LPA: variants seen among roughly 807,000 people sequenced by gnomAD.
LPA encodes apolipoprotein(a).
In LPA, 199 loss-of-function variants were observed where a neutral mutation model predicts 197.9. That is an observed-to-expected ratio of 1.01 (90% CI 0.90 to 1.13). The LOEUF (loss-of-function observed/expected upper bound fraction) is 1.13, where lower values mean the gene tolerates loss of function less well. Among genes scored for constraint, LPA ranks in the 50% most tolerant of loss-of-function variants. The pLI, the probability that LPA is intolerant of heterozygous loss-of-function variation, is 0.00. For synonymous variants in LPA, 715 were observed against 639.5 expected, an observed-to-expected ratio of 1.12 and a Z score of -1.78; for missense variants, 1,853 against 1,785.8, an observed-to-expected ratio of 1.04 and a Z score of -0.68.
Position 160,577,362 on chromosome 6 carries a change from A to G in LPA, c.4472-67T>C, listed in dbSNP as rs1778704833. ...AGCAGAGAAACATGGGAGACAATTT[A>G]TGTCACATACTGGACAGTAGCCTCT... On this transcript the variant is annotated intron_variant, in intron 27 of 38. Coordinates refer to ENST00000316300, the MANE Select transcript of LPA (RefSeq NM_005577.4). The G allele has an allele frequency of 6.2e-5, 90 of 1,459,120 alleles. 1 individual carries two copies. In the South Asian group the frequency reaches 1.0e-3, roughly 17 times the overall value. The allele number at this position is 1,459,120 out of a possible 1,614,324, so 90.4% of individuals were successfully genotyped here. A position where few individuals can be genotyped will look rare whatever the true frequency, so the allele number is the denominator to read the frequency against.
At chr6:160,660,430 C>G (rs1043982385) in intron 1 of LPA, among the ~76,000 whole-genome samples, 2 of 152,184 alleles carry the variant, frequency 1.3e-5, no homozygotes, top group Non-Finnish European at 2.9e-5. Context: ...CTGCTCATAT[C>G]TAGCTATCTG....
At position 160,589,725 on chromosome 6, in the gene LPA, G is replaced by A. The variant is rs201314966; in HGVS notation, c.3788-13C>T. The A allele has an allele frequency of 1.9e-5, 31 of 1,613,596 alleles. No homozygotes were observed. The highest frequency in any genetic ancestry group is 2.4e-5 in the Non-Finnish European group (28 of 1,179,732). ...TGCTCCGTTGGTGCTGAAATTCAAAGAGGAGAAAACAAACTGAGTAATTTC... is the reference window on the plus strand; with the variant it reads ...TGCTCCGTTGGTGCTGAAATTCAAAAAGGAGAAAACAAACTGAGTAATTTC... On this transcript the variant is annotated splice_polypyrimidine_tract_variant and intron_variant, in intron 23 of 38. Coordinates refer to ENST00000316300, the MANE Select transcript of LPA (RefSeq NM_005577.4).
chr6:160,594,251 G>C (rs1322829393), intron 21 of LPA, 134 bp from the exon 22 acceptor site: 1 of 1,020,654 alleles, frequency 9.8e-7, no homozygotes, highest in African/African-American at 1.6e-5. Context: ...GCAGGCAGAT[G>C]GACATACCAA....
rs1477499439 is a variant in LPA, at chr6:160,606,504, G to C, written c.2758C>G (p.Pro920Ala). The C allele has an allele frequency of 6.2e-7, 1 of 1,613,576 alleles. No homozygotes were observed. The highest frequency in any genetic ancestry group is 1.7e-5 in the Admixed American group (1 of 60,022). Residue 920 changes from proline (P) to alanine (A), a missense_variant, in exon 17 of 39, where the codon CCA becomes GCA. Physicochemically the swap from Pro to Ala is conservative, Grantham distance 27. This residue lies in a region of LPA where 1,737 missense variants were observed against 1,504.4 expected (regional missense o/e 1.15). Transcript: ENST00000316300. ...TGTTCAGAAGGAGCCTCTAGGCTTG[G>C]AATCGGGGTAATAGTTGGAGGCGCG... is the stretch of plus-strand genomic sequence containing the variant. Reference protein sequence around the residue: ...AVAPPTITPIPSLEAPSEQAP... With the variant: ...AVAPPTITPIASLEAPSEQAP...
intron 21 of LPA, 21 bp downstream of exon 21, chr6:160,595,333 G>A: frequency 6.2e-7 from 1 of 1,610,686 alleles, no homozygotes; most frequent in Non-Finnish European, 8.5e-7. Flanking sequence ...GGGTGTGGTT[G>A]TCTGGCCATA....
intron 22 of LPA, 64 bp downstream of exon 22, chr6:160,593,894 T>C (rs1000052409): frequency 1.9e-6 from 3 of 1,578,088 alleles, no homozygotes; most frequent in Non-Finnish European, 8.7e-7. Context: ...GTTGGAAGCA[T>C]GGCCCTTCCA....
At chr6:160,565,805 T>TA (rs1453722745) in intron 28 of LPA, among the ~76,000 whole-genome samples, 10 of 152,102 alleles carry the variant, frequency 6.6e-5, no homozygotes, top group African/African-American at 2.2e-4. Flanking sequence ...AATGGCAGAC[T>TA]AAAATAAACA....
At chr6:160,538,198 G>A (rs1777923237) in intron 36 of LPA, among the ~76,000 whole-genome samples, 1 of 152,210 alleles carries the variant, frequency 6.6e-6, no homozygotes, top group African/African-American at 2.4e-5. Flanking sequence ...AGAAACTGAG[G>A]GTGGCCTTAG....
intron 16 of LPA, among the ~76,000 whole-genome samples, chr6:160,610,819 T>G (rs1328630261): frequency 3.9e-5 from 6 of 152,126 alleles, no homozygotes; most frequent in African/African-American, 7.2e-5. Context: ...TCTATGGAGT[T>G]GAGCTCATCA....
At chr6:160,651,128 T>C (rs1229285462) in intron 1 of LPA, among the ~76,000 whole-genome samples, 1 of 152,082 alleles carries the variant, frequency 6.6e-6, no homozygotes, top group African/African-American at 2.4e-5. Flanking sequence ...CCACCACAGG[T>C]TCAAGTTCCA....
At chr6:160,594,638 G>A (rs897898470) in intron 21 of LPA, among the ~76,000 whole-genome samples, 14 of 152,188 alleles carry the variant, frequency 9.2e-5, no homozygotes, top group Non-Finnish European at 1.6e-4. Flanking sequence ...AGGGCTACTG[G>A]CCAAAATTTT....
At chr6:160,576,208 T>C (rs1327553870) in intron 28 of LPA, among the ~76,000 whole-genome samples, 1 of 151,296 alleles carries the variant, frequency 6.6e-6, no homozygotes, top group Non-Finnish European at 1.5e-5. Context: ...TTTCAGCGTT[T>C]GTGTACCTCC....
rs773387816 is a variant in LPA, at chr6:160,599,626, C to T, written c.3161G>A (p.Cys1054Tyr). ...GTAACTCTGTCCATAATGGTAGTAG[C>T]AGTCCTGTACCCCGGGGGTTTCCTC... is the stretch of plus-strand genomic sequence containing the variant. ...LTEETPGVQDCYYHYGQSYRG... is the reference protein window; with the variant it reads ...LTEETPGVQDYYYHYGQSYRG... Residue 1054 changes from cysteine to tyrosine, a missense_variant, in exon 20 of 39, where the codon TGC becomes TAC. Cys to Tyr is a radical substitution (Grantham distance 194). Transcript: ENST00000316300. 4 of 1,613,972 alleles carry T rather than the reference C, an allele frequency of 2.5e-6. No individual in the cohort carries two copies. Among genetic ancestry groups the T allele is most frequent in the Middle Eastern group, 1.6e-4 (1 of 6,082 alleles).
chr6:160,585,053 G>C lies in LPA; in HGVS notation c.4282C>G (p.Pro1428Ala). The C allele has an allele frequency of 6.2e-7, 1 of 1,613,696 alleles. No homozygotes were observed. Among genetic ancestry groups the C allele is most frequent in the South Asian group, 1.1e-5 (1 of 91,070 alleles). The change falls in exon 26 of 39, where the codon CCA becomes GCA. Residue 1428 changes from proline (P) to alanine (A), a missense_variant. By Grantham distance (27) the Pro-to-Ala change is conservative. Around this residue, in one of 3 missense-constraint regions of LPA, gnomAD observed 1,737 missense variants for 1,504.4 expected, o/e 1.15. Transcript: ENST00000316300. ...HWHRRIPLYY[P>A]NAGLTRNYCR... ...CTAACATGATAGACATACGCATTTG[G>C]ATAGTATAATGGGATCCTCCGATGC...
rs573440214 is a variant in LPA, at chr6:160,574,291, G to A, written c.4631+2845C>T. ...CTCCAAGTCTGTTTCCAGGTGGGGG[G>A]AAAGTCAGGCTTGAAAACTTGCCTG... On this transcript the variant is annotated intron_variant, in intron 28 of 38. Transcript: ENST00000316300. Among the ~76,000 whole-genome samples, 9 of 152,260 alleles carry A rather than the reference G, an allele frequency of 5.9e-5. No homozygotes were observed. In the East Asian group the frequency reaches 1.4e-3, roughly 23 times the overall value.
intron 2 of LPA, among the ~76,000 whole-genome samples, chr6:160,646,672 G>A (rs1485308839): frequency 1.5e-5 from 2 of 131,174 alleles, no homozygotes; most frequent in African/African-American, 3.0e-5. Flanking sequence ...ACACGTGGCC[G>A]AAAAACGATC....
In LPA at chr6:160,545,527, G is replaced by A. The variant is rs139145675; in HGVS notation, c.5311C>T (p.Arg1771Cys). 2,350 of 1,610,458 alleles carry A rather than the reference G, an allele frequency of 1.5e-3. 12 individuals carry two copies. The highest frequency in any genetic ancestry group is 9.1e-3 in the African/African-American group (678 of 74,888). Residue 1771 changes from arginine to cysteine, a missense_variant, in exon 33 of 39, where the codon CGT (arginine) becomes TGT (cysteine). By Grantham distance (180) the Arg-to-Cys change is radical. Coordinates refer to ENST00000316300, the MANE Select transcript of LPA (RefSeq NM_005577.4). ...KWAGLEKNYC[R>C]NPDGDINGPW... ...CCATTGATGTCACCATCAGGGTTAC[G>A]GCAGTACTGAAAACAAGCAGGCATG...
chr6:160,634,474 C>A (rs904363441), intron 7 of LPA, among the ~76,000 whole-genome samples: 2 of 132,300 alleles, frequency 1.5e-5, no homozygotes, highest in Admixed American at 7.4e-5. Context: ...GGGAGGGAAT[C>A]TTCTCATGCC....
At chr6:160,574,184 C>T (rs1778613463) in intron 28 of LPA, among the ~76,000 whole-genome samples, 1 of 151,996 alleles carries the variant, frequency 6.6e-6, no homozygotes, top group African/African-American at 2.4e-5. Flanking sequence ...TGGAGGGAAG[C>T]TGTCAGTCAC....
Sources: gnomAD v4.1 joint callset for allele counts (sites outside exome capture counted in the v4.1 genomes callset) on GRCh38, gnomAD v4.1.1 for gene constraint, gnomAD v4.1.1 regional missense constraint, MANE v1.5 for transcripts, NCBI Gene and HGNC (gene_info 2026-07-23, HGNC 2026-07-21) for gene names.